ARHGAP10: variants seen among roughly 807,000 people sequenced by gnomAD.
The protein encoded by ARHGAP10 is Rho GTPase activating protein 10.
A neutral mutation model predicts 108.6 loss-of-function variants in ARHGAP10; 87 were observed. The ratio of observed to expected loss-of-function variants is 0.80; its 90% CI spans 0.67 to 0.96. ARHGAP10 has a LOEUF of 0.96. Ranked by LOEUF, ARHGAP10 falls within the 40% of genes least tolerant of loss-of-function variation. The pLI, the probability that ARHGAP10 is intolerant of heterozygous loss-of-function variation, is 0.00. For missense variants in ARHGAP10, 939 were observed against 954.5 expected, an observed-to-expected ratio of 0.98 and a Z score of 0.21; for synonymous variants, 347 against 341.1, an observed-to-expected ratio of 1.02 and a Z score of -0.19.
chr4:147,888,654 A>AC (rs760793574), intron 10 of ARHGAP10, among the ~76,000 whole-genome samples: 2 of 151,976 alleles, frequency 1.3e-5, no homozygotes, highest in African/African-American at 2.4e-5. Context: ...ACAATTACAG[A>AC]CCCCCCGCCC....
chr4:147,740,075 G>T lies in ARHGAP10; in HGVS notation c.154+7620G>T, dbSNP rs184900727. Among the ~76,000 whole-genome samples the T allele has an allele frequency of 2.3e-4, 27 of 116,898 alleles. No individual in the cohort carries two copies. The East Asian group carries it at 6.9e-3, about 30-fold the overall frequency. The allele number at this position is 116,898 out of a possible 152,430, so 76.7% of individuals were successfully genotyped here. A position where few individuals can be genotyped will look rare whatever the true frequency, so the allele number is the denominator to read the frequency against. ...TTTTTTTTTTTTTTTTTGAGACAGA[G>T]TCTTGCTCTGTTGCCCAGGCTGGAG... On this transcript the variant is annotated intron_variant, in intron 1 of 22. Coordinates refer to ENST00000336498, the MANE Select transcript of ARHGAP10 (RefSeq NM_024605.4).
intron 10 of ARHGAP10, among the ~76,000 whole-genome samples, chr4:147,886,070 A>G (rs1735541215): frequency 6.6e-6 from 1 of 152,196 alleles, no homozygotes; most frequent in Non-Finnish European, 1.5e-5. Flanking sequence ...GGCTACAGGT[A>G]TAAGGGGTAT....
At position 148,043,754 on chromosome 4, in the gene ARHGAP10, G is replaced by GTATATATATGTGTATATATATGTA. The variant is rs1560889658; in HGVS notation, c.1868-3126_1868-3103dup. Among the ~76,000 whole-genome samples the GTATATATATGTGTATATATATGTA allele has an allele frequency of 7.6e-5, 10 of 131,838 alleles. No homozygotes were observed. In the East Asian group the frequency reaches 1.5e-3, roughly 19 times the overall value. The allele number at this position is 131,838 out of a possible 152,430, so 86.5% of individuals were successfully genotyped here. A position where few individuals can be genotyped will look rare whatever the true frequency, so the allele number is the denominator to read the frequency against. On this transcript the variant is annotated intron_variant, in intron 19 of 22. Transcript: ENST00000336498. ...TATATGTGTATATATATGTATATATGTATATATATGTGTATATATATGTAT... is the reference window on the plus strand; with the variant it reads ...TATATGTGTATATATATGTATATATGTATATATATGTGTATATATATGTATATATATATGTGTATATATATGTAT...
chr4:147,913,592 CT>C (rs1468168940), intron 13 of ARHGAP10, among the ~76,000 whole-genome samples: 1 of 152,102 alleles, frequency 6.6e-6, no homozygotes, highest in African/African-American at 2.4e-5. Context: ...CCTGGTGTCT[CT>C]TTTACATGTC....
At chr4:148,000,630 GAGA>G (rs1740678094) in intron 18 of ARHGAP10, among the ~76,000 whole-genome samples, 1 of 152,216 alleles carries the variant, frequency 6.6e-6, no homozygotes, top group South Asian at 2.1e-4. Flanking sequence ...TAACTGGTGT[GAGA>G]TGGTATCTCA....
intron 1 of ARHGAP10, among the ~76,000 whole-genome samples, chr4:147,750,155 G>A (rs748044785): frequency 6.6e-6 from 1 of 152,172 alleles, no homozygotes; most frequent in Non-Finnish European, 1.5e-5. Flanking sequence ...AAATTTGAAA[G>A]TGTAGTTTTG....
Position 147,857,598 on chromosome 4 carries a change from C to G in ARHGAP10, c.430C>G (p.Leu144Val). The change falls in exon 5 of 23, where the codon CTA (leucine) becomes GTA (valine). Residue 144 changes from leucine (L) to valine (V), a missense_variant. Physicochemically the swap from Leu to Val is conservative, Grantham distance 32. Coordinates refer to ENST00000336498, the MANE Select transcript of ARHGAP10 (RefSeq NM_024605.4). ...FDKETEKNYSLIDKHLNLSAK... is the reference protein window; with the variant it reads ...FDKETEKNYSVIDKHLNLSAK... ...CAAAGAGACAGAAAAGAATTATAGT[C>G]TAATTGATAAACATTTGAATTTATC... 6.8e-7 allele frequency: 1 copy of G among 1,480,612 alleles called. No homozygotes were observed. Among genetic ancestry groups the G allele is most frequent in the Non-Finnish European group, 9.0e-7 (1 of 1,116,712 alleles). The allele number at this position is 1,480,612 out of a possible 1,614,324, so 91.7% of individuals were successfully genotyped here.
At chr4:148,070,110 G>A (rs895754314) in intron 22 of ARHGAP10, among the ~76,000 whole-genome samples, 4 of 152,204 alleles carry the variant, frequency 2.6e-5, no homozygotes, top group African/African-American at 4.8e-5. Flanking sequence ...TGTTATATGT[G>A]TTACATGCTC....
At chr4:147,857,900 T>C (rs114081956) in intron 5 of ARHGAP10, 26 of 199,806 alleles carry the variant, frequency 1.3e-4, no homozygotes, top group Non-Finnish European at 2.4e-4. Context: ...AGCATTATTT[T>C]ATAGGAACAT....
chr4:147,823,725 C>G (rs1438173552), intron 3 of ARHGAP10, among the ~76,000 whole-genome samples: 1 of 152,054 alleles, frequency 6.6e-6, no homozygotes, highest in Non-Finnish European at 1.5e-5. Flanking sequence ...CCACTGCCCT[C>G]CAGCCTGGGT....
At chr4:147,893,392 T>C (rs1283545586) in intron 10 of ARHGAP10, among the ~76,000 whole-genome samples, 2 of 150,104 alleles carry the variant, frequency 1.3e-5, no homozygotes, top group African/African-American at 4.9e-5. Context: ...TTTTTTTTTA[T>C]GTAAGTGGAA....
chr4:147,837,889 C>T (rs187791192), intron 3 of ARHGAP10, among the ~76,000 whole-genome samples: 2 of 152,006 alleles, frequency 1.3e-5, no homozygotes, highest in Non-Finnish European at 2.9e-5. Flanking sequence ...GATTGTAAGA[C>T]AACATTATTT....
intron 1 of ARHGAP10, among the ~76,000 whole-genome samples, chr4:147,798,648 G>T (rs1247893975): frequency 4.0e-5 from 6 of 151,698 alleles, no homozygotes; most frequent in South Asian, 2.1e-4. Context: ...TTGGCTGGGT[G>T]CAGTGGCTCA....
intron 18 of ARHGAP10, among the ~76,000 whole-genome samples, chr4:148,008,991 A>G (rs6839547): frequency 0.02 from 3,007 of 152,242 alleles, 100 homozygotes; most frequent in African/African-American, 0.068. Context: ...TTAATATGTA[A>G]TGGTTTAGTA....
chr4:148,028,727 G>A (rs1489172537), intron 19 of ARHGAP10, among the ~76,000 whole-genome samples: 2 of 152,188 alleles, frequency 1.3e-5, no homozygotes, highest in East Asian at 3.8e-4. Context: ...GGCAGCCATG[G>A]TAAAAGGCTG....
chr4:147,999,006 A>G (rs1473172914), intron 18 of ARHGAP10, among the ~76,000 whole-genome samples: 1 of 152,240 alleles, frequency 6.6e-6, no homozygotes, highest in East Asian at 1.9e-4. Context: ...ATCCACAGAT[A>G]TGATTGTGTA....
rs528516681 is a variant in ARHGAP10 at position 147,894,268 on chromosome 4, T to A, written c.1034+12336T>A. On this transcript the variant is annotated intron_variant, in intron 10 of 22. Coordinates refer to ENST00000336498, the MANE Select transcript of ARHGAP10 (RefSeq NM_024605.4). Reference sequence around the variant, plus strand: ...TATTTGCTCCACTTCCTTACTAACCTTTGGTTATGTTACTCTTTTTCATTT... The same window carrying A: ...TATTTGCTCCACTTCCTTACTAACCATTGGTTATGTTACTCTTTTTCATTT... Among the ~76,000 whole-genome samples, 18 of 152,282 alleles carry A rather than the reference T, an allele frequency of 1.2e-4. 1 individual carries two copies. Among genetic ancestry groups the A allele is most frequent in the African/African-American group, 4.3e-4 (18 of 41,564 alleles).
At chr4:147,787,875 T>C (rs11737828) in intron 1 of ARHGAP10, among the ~76,000 whole-genome samples, 145,415 of 152,204 alleles carry the variant, frequency 0.96, 69,638 homozygotes, top group Non-Finnish European at 0.99. Context: ...GCACCCGACC[T>C]GTGAGGGTTA....
At chr4:147,937,415 G>A in intron 13 of ARHGAP10, among the ~76,000 whole-genome samples, 1 of 151,806 alleles carries the variant, frequency 6.6e-6, no homozygotes, top group East Asian at 1.9e-4. Context: ...TCTAAATACA[G>A]TCACATTTGG....
Sources: gnomAD v4.1 joint callset for allele counts (sites outside exome capture counted in the v4.1 genomes callset) on GRCh38, gnomAD v4.1.1 for gene constraint, MANE v1.5 for transcripts, NCBI Gene and HGNC (gene_info 2026-07-23, HGNC 2026-07-21) for gene names.